The following CNOT1 variants were observed in gnomAD, a reference collection of about 807,000 sequenced individuals.
The protein encoded by CNOT1 is CCR4-associated factor 1.
Under a neutral mutation model 273.8 loss-of-function variants are expected in CNOT1, and 15 were observed. The observed-to-expected ratio is 0.05, with a 90% CI of 0.04 to 0.08. CNOT1 has a LOEUF of 0.08. CNOT1 is among the 10% of genes least tolerant of loss of function. The probability of loss-of-function intolerance (pLI) is 1.00; values close to 1 mark genes in which losing one functional copy is unlikely to be tolerated. For missense variants in CNOT1, 1,644 were observed against 2,912.2 expected (o/e 0.56, Z 10.02); for synonymous variants, 1,022 against 1,005.5 (o/e 1.02, Z -0.31).
intron 1 of CNOT1, among the ~76,000 whole-genome samples, chr16:58,602,059 T>C (rs1469084620): frequency 6.6e-6 from 1 of 151,894 alleles, no homozygotes; most frequent in African/African-American, 2.4e-5. Context: ...CTTCAGTCCT[T>C]TTATTTTTTT....
chr16:58,587,524 T>C (rs2041914705), intron 4 of CNOT1, 111 bp from the exon 5 acceptor site: 3 of 1,424,586 alleles, frequency 2.1e-6, no homozygotes, highest in African/African-American at 2.9e-5. Flanking sequence ...CTTAATTCTG[T>C]AGTGTTACTA....
At chr16:58,544,055 A>G in intron 30 of CNOT1, 152 bp from the exon 31 acceptor site, 4 of 1,294,558 alleles carry the variant, frequency 3.1e-6, no homozygotes, top group Non-Finnish European at 4.1e-6. Flanking sequence ...CGGGTAACAG[A>G]AACTGAGCTC....
At chr16:58,539,735 G>T in intron 35 of CNOT1, 33 bp downstream of exon 35, 1 of 1,575,264 alleles carries the variant, frequency 6.3e-7, no homozygotes, top group Non-Finnish European at 8.6e-7. Flanking sequence ...TACACACCTA[G>T]CATTTTCTAA....
intron 1 of CNOT1, among the ~76,000 whole-genome samples, chr16:58,603,943 T>C (rs1187447981): frequency 1.3e-5 from 2 of 152,234 alleles, no homozygotes; most frequent in Non-Finnish European, 2.9e-5. Flanking sequence ...TTGTTTACTC[T>C]GCACCAATTT....
At chr16:58,566,754 C>T (rs2041056542) in intron 16 of CNOT1, among the ~76,000 whole-genome samples, 1 of 152,186 alleles carries the variant, frequency 6.6e-6, no homozygotes, top group African/African-American at 2.4e-5. Flanking sequence ...CAACCTCTGC[C>T]TCCCGAGTAG....
chr16:58,546,073 T>C (rs1268883998), intron 29 of CNOT1, among the ~76,000 whole-genome samples: 2 of 152,110 alleles, frequency 1.3e-5, no homozygotes, highest in Admixed American at 6.6e-5. Flanking sequence ...CTAGCTGGGG[T>C]ATGAGAGGCA....
chr16:58,557,088 T>TA, intron 18 of CNOT1, 95 bp from the exon 19 acceptor site: 2 of 1,432,944 alleles, frequency 1.4e-6, no homozygotes, highest in Non-Finnish European at 1.8e-6. Context: ...ACTTTTAAAA[T>TA]AAAGTCATAG....
chr16:58,554,260 A>G (rs909829452), intron 21 of CNOT1, among the ~76,000 whole-genome samples: 1 of 152,318 alleles, frequency 6.6e-6, no homozygotes, highest in African/African-American at 2.4e-5. Context: ...AAAAAACTAC[A>G]TATTTGTATG....
rs1411341891 is a variant in CNOT1 at position 58,534,237 on chromosome 16, G to A, written c.5805C>T (p.Asn1935=). The A allele has an allele frequency of 4.3e-6, 7 of 1,614,082 alleles. No homozygotes were observed. In the East Asian group the frequency reaches 1.1e-4, roughly 26 times the overall value. Residue 1935 remains asparagine (N), a synonymous_variant, in exon 40 of 49, where the codon AAC becomes AAT. Transcript: ENST00000317147. The part of the protein sequence containing the change: ...PTMIRAKCYH[N]LDAFVRLIAL... ...CAATGAGTCGAACAAAGGCATCCAG[G>A]TTGTGATAGCACTTGGCTCGGATCA...
intron 1 of CNOT1, among the ~76,000 whole-genome samples, chr16:58,614,971 G>A (rs1324166821): frequency 1.6e-5 from 2 of 121,566 alleles, no homozygotes; most frequent in Admixed American, 8.2e-5. Flanking sequence ...GTCTCCTGAC[G>A]TGCTGGGATT....
intron 1 of CNOT1, among the ~76,000 whole-genome samples, chr16:58,624,366 G>A (rs887873045): frequency 1.3e-5 from 2 of 152,148 alleles, no homozygotes; most frequent in Non-Finnish European, 2.9e-5. Context: ...TATCCTACAT[G>A]GTTGCAACGT....
At chr16:58,596,027 C>T (rs2042238446) in intron 2 of CNOT1, among the ~76,000 whole-genome samples, 1 of 152,206 alleles carries the variant, frequency 6.6e-6, no homozygotes, top group Non-Finnish European at 1.5e-5. Context: ...ATGGGTTGTA[C>T]AATTTTCACA....
At chr16:58,589,858 A>G (rs2041995969) in intron 2 of CNOT1, among the ~76,000 whole-genome samples, 1 of 151,400 alleles carries the variant, frequency 6.6e-6, no homozygotes, top group African/African-American at 2.4e-5. Flanking sequence ...TAAATGAAAA[A>G]CTCCAGATGG....
intron 16 of CNOT1, among the ~76,000 whole-genome samples, chr16:58,565,740 T>C (rs1268786627): frequency 6.6e-6 from 1 of 152,116 alleles, no homozygotes; most frequent in Non-Finnish European, 1.5e-5. Context: ...GTCAGGAAGT[T>C]CAAGAGCAGC....
At chr16:58,604,971 C>A (rs568166897) in intron 1 of CNOT1, among the ~76,000 whole-genome samples, 1 of 149,512 alleles carries the variant, frequency 6.7e-6, no homozygotes, top group East Asian at 2.0e-4. Context: ...CCCATCTCTA[C>A]TAAAAATACA....
chr16:58,580,622 A>C lies in CNOT1; in HGVS notation c.1343+11T>G, dbSNP rs769948185. 23 of 1,599,790 alleles carry C rather than the reference A, an allele frequency of 1.4e-5. No homozygotes were observed. In the South Asian group the frequency reaches 2.5e-4, roughly 17 times the overall value. On this transcript the variant is annotated intron_variant, in intron 12 of 48. Transcript: ENST00000317147. ...TAATCTTTTAAATGAAAGATGAATC[A>C]AAGTGTTTACCATGTGGCAATTTCT... is the stretch of plus-strand genomic sequence containing the variant.
intron 39 of CNOT1, among the ~76,000 whole-genome samples, chr16:58,535,390 G>A (rs1032936446): frequency 6.6e-6 from 1 of 152,184 alleles, no homozygotes; most frequent in Non-Finnish European, 1.5e-5. Flanking sequence ...GAGTACTATG[G>A]TCAAGGAGGA....
chr16:58,547,703 G>A lies in CNOT1; in HGVS notation c.3523-21C>T. The A allele has an allele frequency of 6.2e-7, 1 of 1,604,290 alleles. No individual in the cohort carries two copies. Among genetic ancestry groups the A allele is most frequent in the Non-Finnish European group, 8.5e-7 (1 of 1,174,830 alleles). ...AGCACCTGAAATAGTGTAAGATTAA[G>A]AAAGATATGAGAATAAGCTTATGAA... On this transcript the variant is annotated intron_variant, in intron 25 of 48. Transcript: ENST00000317147. This position sits in a 1 kb window ranked among gnomAD's most constrained non-coding sequence, Gnocchi z 4.0.
intron 15 of CNOT1, 114 bp from the exon 16 acceptor site, chr16:58,574,874 C>G: frequency 6.4e-7 from 1 of 1,559,280 alleles, no homozygotes; most frequent in South Asian, 1.2e-5. Flanking sequence ...ATCTTCATTG[C>G]CATTTAAAAA....
Sources: allele counts gnomAD v4.1 joint callset (sites outside exome capture counted in the v4.1 genomes callset), GRCh38; gene constraint gnomAD v4.1.1; non-coding constraint Gnocchi (gnomAD v3.1); transcripts MANE v1.5; gene names NCBI Gene and HGNC (gene_info 2026-07-23, HGNC 2026-07-21).